Variants in LIPE observed in about 807,000 individuals in gnomAD.
The protein encoded by LIPE is hormone-sensitive lipase.
Under a neutral mutation model 88.5 loss-of-function variants are expected in LIPE, and 66 were observed. That is an observed-to-expected ratio of 0.75 (90% CI 0.61 to 0.91). LIPE has a LOEUF of 0.91. Among genes scored for constraint, LIPE ranks in the 40% least tolerant of loss-of-function variants. The probability of loss-of-function intolerance (pLI) is 0.00; values close to 1 mark genes in which losing one functional copy is unlikely to be tolerated. For synonymous variants in LIPE, 570 were observed against 617.5 expected (o/e 0.92, Z 1.14); for missense variants, 1,346 against 1,434.7 (o/e 0.94, Z 1.00).
chr19:42,413,378 G>A (rs1332485184), intron 1 of LIPE, among the ~76,000 whole-genome samples: 1 of 152,218 alleles, frequency 6.6e-6, no homozygotes, highest in East Asian at 1.9e-4. Context: ...CAAGATTAGG[G>A]CCTTGGGCCA....
Position 42,426,761 on chromosome 19 carries a change from G to T in LIPE, c.389C>A (p.Ala130Glu). The change falls in exon 1 of 10, where the codon GCA (alanine) becomes GAA (glutamate). Residue 130 changes from alanine (A) to glutamate (E), a missense_variant. By Grantham distance (107) the Ala-to-Glu change is moderately radical. Coordinates refer to ENST00000244289, the MANE Select transcript of LIPE (RefSeq NM_005357.4). ...GKESITQQEPALRQRHVAQPG... is the reference protein window; with the variant it reads ...GKESITQQEPELRQRHVAQPG... ...CTGGGCTACATGTCTTTGTCTCAAT[G>T]CTGGCTCCTGTTGAGTTATAGATTC... The T allele has an allele frequency of 6.2e-7, 1 of 1,614,022 alleles. No individual in the cohort carries two copies. Among genetic ancestry groups the T allele is most frequent in the Non-Finnish European group, 8.5e-7 (1 of 1,179,976 alleles).
At position 42,410,396 on chromosome 19, in the gene LIPE, CAAAG is replaced by C; in HGVS notation, c.1326_1329del (p.Phe442LeufsTer120). 6.2e-7 allele frequency: 1 copy of C among 1,614,156 alleles called. No individual in the cohort carries two copies. Among genetic ancestry groups the C allele is most frequent in the Non-Finnish European group, 8.5e-7 (1 of 1,180,018 alleles). On this transcript the variant is annotated frameshift_variant, in exon 2 of 10. Transcript: ENST00000244289. LOFTEE classifies it high-confidence loss of function. This position sits in a 1 kb window ranked among gnomAD's most constrained non-coding sequence, Gnocchi z 6.1. ...TCGGCGGTGAGCCCCTCGTCGCCCT[CAAAG>C]AAGAGTACCCCCGGCCGATTGGTAA...
Position 42,426,711 on chromosome 19 carries a change from G to T in LIPE, c.439C>A (p.Pro147Thr). 4 of 1,614,206 alleles carry T rather than the reference G, an allele frequency of 2.5e-6. No homozygotes were observed. The highest frequency in any genetic ancestry group is 1.3e-5 in the African/African-American group (1 of 75,058). The change falls in exon 1 of 10, where the codon CCT (proline) becomes ACT (threonine). Residue 147 changes from proline (P) to threonine (T), a missense_variant. Transcript: ENST00000244289. ...GATTCAGCTTCTTGTTGAGCTGGAGGTGGCTCTCCTGGCCCAGGCCCTGGC... is the reference window on the plus strand; with the variant it reads ...GATTCAGCTTCTTGTTGAGCTGGAGTTGGCTCTCCTGGCCCAGGCCCTGGC... ...AQPGPGPGEP[P>T]PAQQEAESTP...
chr19:42,421,474 G>A (rs187129663), intron 1 of LIPE, among the ~76,000 whole-genome samples: 23 of 152,316 alleles, frequency 1.5e-4, no homozygotes, highest in African/African-American at 5.1e-4. Flanking sequence ...TCTTATCTGA[G>A]TAATATCTGT....
Position 42,407,088 on chromosome 19 carries a change from G to T in LIPE, c.2137+86C>A. 8.5e-7 allele frequency: 1 copy of T among 1,180,888 alleles called. No homozygotes were observed. Among genetic ancestry groups the T allele is most frequent in the Non-Finnish European group, 1.2e-6 (1 of 865,400 alleles). The allele number at this position is 1,180,888 out of a possible 1,614,324, so 73.2% of individuals were successfully genotyped here. A position where few individuals can be genotyped will look rare whatever the true frequency, so the allele number is the denominator to read the frequency against. ...AGGTGTGGGGGGAGAGAAAGGTAGA[G>T]GGTGTGAGGCTGAGGCTGGAGGAGC... On this transcript the variant is annotated intron_variant, in intron 6 of 9. Transcript: ENST00000244289. The surrounding 1 kb of genome is among the most constrained non-coding windows in gnomAD (Gnocchi z 5.8).
intron 1 of LIPE, chr19:42,412,448 C>G (rs544051596): frequency 1.3e-5 from 13 of 986,006 alleles, no homozygotes; most frequent in Non-Finnish European, 1.4e-5. Flanking sequence ...GCAATAAACC[C>G]GGGGGCGGGG....
Position 42,426,944 on chromosome 19 carries a change from G to GCAT in LIPE, c.203_205dup (p.Asp68dup). On this transcript the variant is annotated inframe_insertion, in exon 1 of 10. Coordinates refer to ENST00000244289, the MANE Select transcript of LIPE (RefSeq NM_005357.4). Reference sequence around the variant, plus strand: ...GGCTCTAGGTTCCTTCTGGGATTCAGCATCATGTTGTGCAGGGGTCTCCTG... The same window carrying GCAT: ...GGCTCTAGGTTCCTTCTGGGATTCAGCATCATCATGTTGTGCAGGGGTCTCCTG... The GCAT allele has an allele frequency of 1.9e-6, 3 of 1,614,170 alleles. No homozygotes were observed. Among genetic ancestry groups the GCAT allele is most frequent in the Non-Finnish European group, 2.5e-6 (3 of 1,180,022 alleles).
chr19:42,419,410 T>A (rs2147660648), intron 1 of LIPE, among the ~76,000 whole-genome samples: 1 of 152,346 alleles, frequency 6.6e-6, no homozygotes, highest in East Asian at 1.9e-4. Flanking sequence ...CCCTTTGTCC[T>A]GTTCCAGGCG....
chr19:42,426,500 C>A lies in LIPE; in HGVS notation c.650G>T (p.Arg217Leu), dbSNP rs3745238. ...AAGTGCCTTCCACTCTAGGGCTGATCGCTGTATGGATAGTTCCTGAAGTTT... is the reference window on the plus strand; with the variant it reads ...AAGTGCCTTCCACTCTAGGGCTGATAGCTGTATGGATAGTTCCTGAAGTTT... Reference protein sequence around the residue: ...LTKLQELSIQRSALEWKALSE... With the variant: ...LTKLQELSIQLSALEWKALSE... Residue 217 changes from arginine (R) to leucine (L), a missense_variant, in exon 1 of 10, where the codon CGA becomes CTA. By Grantham distance (102) the Arg-to-Leu change is moderately radical (BLOSUM62 -2). Transcript: ENST00000244289. The A allele has an allele frequency of 1.9e-6, 3 of 1,614,110 alleles. No homozygotes were observed. The East Asian group carries it at 6.7e-5, about 36-fold the overall frequency.
At position 42,401,794 on chromosome 19, in the gene LIPE, G is replaced by A. The variant is rs975989528; in HGVS notation, c.*18C>T. The A allele has an allele frequency of 2.8e-6, 4 of 1,431,266 alleles. No homozygotes were observed. Among genetic ancestry groups the A allele is most frequent in the Non-Finnish European group, 3.7e-6 (4 of 1,088,036 alleles). The allele number at this position is 1,431,266 out of a possible 1,614,324, so 88.7% of individuals were successfully genotyped here. On this transcript the variant is annotated 3_prime_UTR_variant, in exon 10 of 10. Transcript: ENST00000244289. The stretch of plus-strand genomic sequence containing the variant: ...GGCATTCATGACGGAGGCCGGCGCA[G>A]ATGGGAACAACAGGCTTTTAGTGTC...
At chr19:42,419,681 C>T (rs36066669) in intron 1 of LIPE, among the ~76,000 whole-genome samples, 424 of 10,634 alleles carry the variant, frequency 0.04, 2 homozygotes, top group African/African-American at 0.13. Context: ...GTAAGGAGGG[C>T]GGTGGGGAAG....
At chr19:42,403,136 G>C in intron 8 of LIPE, 105 bp from the exon 9 acceptor site, 1 of 1,177,396 alleles carries the variant, frequency 8.5e-7, no homozygotes, top group Non-Finnish European at 1.2e-6. Flanking sequence ...CGCTGTGAAA[G>C]GCTGTGTTTC....
At position 42,407,084 on chromosome 19, in the gene LIPE, T is replaced by G; in HGVS notation, c.2137+90A>C. 1 of 1,141,168 alleles carries G rather than the reference T, an allele frequency of 8.8e-7. No individual in the cohort carries two copies. The highest frequency in any genetic ancestry group is 1.2e-6 in the Non-Finnish European group (1 of 831,910). The allele number at this position is 1,141,168 out of a possible 1,614,324, so 70.7% of individuals were successfully genotyped here. On this transcript the variant is annotated intron_variant, in intron 6 of 9. Coordinates refer to ENST00000244289, the MANE Select transcript of LIPE (RefSeq NM_005357.4). This position sits in a 1 kb window ranked among gnomAD's most constrained non-coding sequence, Gnocchi z 5.8. ...TGGGAGGTGTGGGGGGAGAGAAAGG[T>G]AGAGGGTGTGAGGCTGAGGCTGGAG...
chr19:42,407,349 G>C lies in LIPE; in HGVS notation c.1962C>G (p.Gly654=). 1.2e-6 allele frequency: 2 copies of C among 1,613,030 alleles called. No homozygotes were observed. The highest frequency in any genetic ancestry group is 1.7e-6 in the Non-Finnish European group (2 of 1,179,632). Residue 654 remains glycine, a synonymous_variant, in exon 6 of 10, where the codon GGC becomes GGG. Coordinates refer to ENST00000244289, the MANE Select transcript of LIPE (RefSeq NM_005357.4). The surrounding 1 kb of genome is among the most constrained non-coding windows in gnomAD (Gnocchi z 5.8). ...GGGATCTGGAGGTCTGGGCCACAAAGCCACCGCCGTGGAAGTGCACTATCA... is the reference window on the plus strand; with the variant it reads ...GGGATCTGGAGGTCTGGGCCACAAACCCACCGCCGTGGAAGTGCACTATCA... The part of the protein sequence containing the change: ...RSLIVHFHGG[G]FVAQTSRSHE...
Position 42,419,581 on chromosome 19 carries a change from G to C in LIPE, c.883+6686C>G, listed in dbSNP as rs536790157. On this transcript the variant is annotated intron_variant, in intron 1 of 9. Transcript: ENST00000244289. The stretch of plus-strand genomic sequence containing the variant: ...GGTAGGGCAGAGGGGATTTGGCTTT[G>C]GGTGGTGTCCCACTGACTGGGCACT... 2.7e-3 allele frequency among the ~76,000 whole-genome samples: 413 copies of C among 152,318 alleles called. 5 individuals are homozygous for C. Among genetic ancestry groups the C allele is most frequent in the African/African-American group, 9.6e-3 (400 of 41,580 alleles).
chr19:42,401,807 G>T lies in LIPE; in HGVS notation c.*5C>A. 1 of 1,483,142 alleles carries T rather than the reference G, an allele frequency of 6.7e-7. No individual in the cohort carries two copies. The highest frequency in any genetic ancestry group is 1.3e-5 in the South Asian group (1 of 74,990). 91.9% of individuals were successfully genotyped at this position (1,483,142 alleles called of 1,614,324 possible). ...GAGGCCGGCGCAGATGGGAACAACAGGCTTTTAGTGTCGCCCCCCGCAGCC... is the reference window on the plus strand; with the variant it reads ...GAGGCCGGCGCAGATGGGAACAACATGCTTTTAGTGTCGCCCCCCGCAGCC... On this transcript the variant is annotated 3_prime_UTR_variant, in exon 10 of 10. Transcript: ENST00000244289.
chr19:42,416,071 C>T (rs375244074), intron 1 of LIPE, among the ~76,000 whole-genome samples: 9 of 151,908 alleles, frequency 5.9e-5, no homozygotes, highest in East Asian at 3.9e-4. Context: ...GGCCGGGCAT[C>T]GTGGCTCACG....
intron 1 of LIPE, chr19:42,423,355 T>C: frequency 8.3e-7 from 1 of 1,205,858 alleles, no homozygotes; most frequent in Non-Finnish European, 1.1e-6. Context: ...GTCCACGCTG[T>C]CCCCACTGCC....
At chr19:42,411,201 TG>T in intron 1 of LIPE, 2 of 602,114 alleles carry the variant, frequency 3.3e-6, no homozygotes, top group Non-Finnish European at 4.2e-6. Flanking sequence ...AGAAACTTGC[TG>T]CCCTGGCCTC....
Sources: gnomAD v4.1 joint callset for allele counts (sites outside exome capture counted in the v4.1 genomes callset) on GRCh38, gnomAD v4.1.1 for gene constraint, Gnocchi (gnomAD v3.1) non-coding constraint, MANE v1.5 for transcripts, NCBI Gene and HGNC (gene_info 2026-07-23, HGNC 2026-07-21) for gene names.